The following PRRC2B variants were observed in gnomAD, a reference collection of about 807,000 sequenced individuals.
PRRC2B encodes the protein proline rich coiled-coil 2B, also known as protein PRRC2B.
A neutral mutation model predicts 242.3 loss-of-function variants in PRRC2B; 68 were observed. That is an observed-to-expected ratio of 0.28 (90% CI 0.23 to 0.34). PRRC2B has a LOEUF of 0.34. Ranked by LOEUF, PRRC2B falls within the 10% of genes least tolerant of loss-of-function variation. PRRC2B has a pLI of 1.00. For missense variants in PRRC2B, 2,835 were observed against 2,954.8 expected (o/e 0.96, Z 0.94); for synonymous variants, 1,228 against 1,173.6 (o/e 1.05, Z -0.95).
intron 9 of PRRC2B, among the ~76,000 whole-genome samples, chr9:131,448,917 C>T (rs560563771): frequency 9.8e-5 from 15 of 152,286 alleles, no homozygotes; most frequent in Admixed American, 6.5e-4. Context: ...GGGAACATTT[C>T]CCTCACCACC....
intron 11 of PRRC2B, among the ~76,000 whole-genome samples, chr9:131,459,844 T>C (rs1588264454): frequency 6.6e-6 from 1 of 151,956 alleles, no homozygotes; most frequent in East Asian, 1.9e-4. Flanking sequence ...TGTCTTCTTG[T>C]TATAGTTAAA....
chr9:131,467,543 TCTG>T lies in PRRC2B; in HGVS notation c.1721-16_1721-14del, dbSNP rs755635342. ...TTCTGTGAGCTCACTGTGTCATTTCTCTGCTGGTATATTCTCTAGGCTCCCCAG... is the reference window on the plus strand; with the variant it reads ...TTCTGTGAGCTCACTGTGTCATTTCTCTGGTATATTCTCTAGGCTCCCCAG... On this transcript the variant is annotated splice_polypyrimidine_tract_variant and intron_variant, in intron 12 of 31. Coordinates refer to ENST00000683519, the MANE Select transcript of PRRC2B (RefSeq NM_013318.4). 1.3e-6 allele frequency: 2 copies of T among 1,559,198 alleles called. No individual in the cohort carries two copies. The highest frequency in any genetic ancestry group is 1.7e-6 in the Non-Finnish European group (2 of 1,150,516).
exon 1 of PRRC2B, chr9:131,373,689 G>C (rs905407860): frequency 6.6e-6 from 1 of 152,296 alleles, no homozygotes; most frequent in Non-Finnish European, 1.5e-5. Flanking sequence ...GGGCGTGCGT[G>C]AGGGAGGGTG....
Position 131,479,302 on chromosome 9 carries a change from A to T in PRRC2B, c.4809A>T (p.Ala1603=), listed in dbSNP as rs772196243. 2 of 1,613,824 alleles carry T rather than the reference A, an allele frequency of 1.2e-6. No individual in the cohort carries two copies. Among genetic ancestry groups the T allele is most frequent in the Non-Finnish European group, 8.5e-7 (1 of 1,179,796 alleles). Residue 1603 remains alanine, a synonymous_variant, in exon 19 of 32, where the codon GCA becomes GCT. Transcript: ENST00000683519. The part of the protein sequence containing the change: ...GLSSRIPPRF[A]KKQNNLCLEQ... ...CCTCCCGTATTCCTCCTCGATTTGCAAAAAAGCAGAACAACTTATGTCTGG... is the reference window on the plus strand; with the variant it reads ...CCTCCCGTATTCCTCCTCGATTTGCTAAAAAGCAGAACAACTTATGTCTGG...
intron 11 of PRRC2B, among the ~76,000 whole-genome samples, chr9:131,460,496 T>A (rs1233312670): frequency 1.3e-5 from 2 of 152,190 alleles, no homozygotes; most frequent in African/African-American, 4.8e-5. Context: ...CACGACTTCA[T>A]CCTGTCCCCC....
intron 1 of PRRC2B, among the ~76,000 whole-genome samples, chr9:131,421,914 G>A (rs1360508550): frequency 6.6e-6 from 1 of 152,204 alleles, no homozygotes; most frequent in Non-Finnish European, 1.5e-5. Flanking sequence ...ACTCCCACTG[G>A]GAAAGCAGAT....
rs1202722946 is a variant in PRRC2B at position 131,499,196 on chromosome 9, C to T, written c.*3322C>T. 6.6e-6 allele frequency: 1 copy of T among 152,250 alleles called. No individual in the cohort carries two copies. The highest frequency in any genetic ancestry group is 6.5e-5 in the Admixed American group (1 of 15,284). The allele number at this position is 152,250 out of a possible 1,614,324, so 9.4% of individuals were successfully genotyped here. A position where few individuals can be genotyped will look rare whatever the true frequency, so the allele number is the denominator to read the frequency against. ...TCCAGCCGTGCTGTCACCCTCCTATCTTCTGGATCTGCCTTCGCGATGGTC... is the reference window on the plus strand; with the variant it reads ...TCCAGCCGTGCTGTCACCCTCCTATTTTCTGGATCTGCCTTCGCGATGGTC... On this transcript the variant is annotated 3_prime_UTR_variant, in exon 32 of 32. Coordinates refer to ENST00000683519, the MANE Select transcript of PRRC2B (RefSeq NM_013318.4).
chr9:131,481,311 C>CAAAA (rs11404767), intron 19 of PRRC2B, among the ~76,000 whole-genome samples: 845 of 79,002 alleles, frequency 0.011, 27 homozygotes, highest in African/African-American at 0.015. Flanking sequence ...ACTCCGTCTC[C>CAAAA]AAAAAAAAAA....
chr9:131,420,451 C>CTCTTTCTTTCTTTCTTTCTT (rs1324243060), intron 1 of PRRC2B, among the ~76,000 whole-genome samples: 2 of 44,390 alleles, frequency 4.5e-5, no homozygotes, highest in East Asian at 1.4e-3. Flanking sequence ...TTTTCTTTTT[C>CTCTTTCTTTCTTTCTTTCTT]TTTTTCTTTC....
At chr9:131,393,388 A>G (rs1588235440), upstream of PRRC2B, among the ~76,000 whole-genome samples, 1 of 151,850 alleles carries the variant, frequency 6.6e-6, no homozygotes, top group African/African-American at 2.4e-5. Context: ...CGCTCTCCCA[A>G]CCTCAAACCA....
chr9:131,446,699 A>C lies in PRRC2B; in HGVS notation c.855+57A>C. 6.3e-7 allele frequency: 1 copy of C among 1,593,522 alleles called. No homozygotes were observed. The highest frequency in any genetic ancestry group is 8.6e-7 in the Non-Finnish European group (1 of 1,166,738). ...CATGAAGTTGGATTGTGTCCAGCAG[A>C]TAGGTCAAGTGGTTGAATGTCCCCC... On this transcript the variant is annotated intron_variant, in intron 7 of 31. Transcript: ENST00000683519. This position sits in a 1 kb window ranked among gnomAD's most constrained non-coding sequence, Gnocchi z 4.1.
rs2275499 is a variant in PRRC2B at position 131,482,805 on chromosome 9, C to G, written c.5271C>G (p.Ala1757=). 1.3e-5 allele frequency: 21 copies of G among 1,609,600 alleles called. No individual in the cohort carries two copies. In the East Asian group the frequency reaches 4.0e-4, roughly 31 times the overall value. ...AAAACAGAAAGGGCTCGGAGGGGGC[C>G]GAGCGGCTGCAAGGGGCTGTCGTCC... ...SLKNRKGSEG[A]ERLQGAVVPP... is the part of the protein sequence containing the mutation. Residue 1757 remains alanine (A), a synonymous_variant, in exon 22 of 32, where the codon GCC becomes GCG. Transcript: ENST00000683519. This position sits in a 1 kb window ranked among gnomAD's most constrained non-coding sequence, Gnocchi z 5.2.
At chr9:131,460,474 C>T (rs927565163) in intron 11 of PRRC2B, among the ~76,000 whole-genome samples, 1 of 152,178 alleles carries the variant, frequency 6.6e-6, no homozygotes, top group African/African-American at 2.4e-5. Context: ...CATTTCATCC[C>T]ACCAAGGCAA....
chr9:131,393,428 C>A (rs1836939179), upstream of PRRC2B, among the ~76,000 whole-genome samples: 1 of 152,176 alleles, frequency 6.6e-6, no homozygotes, highest in African/African-American at 2.4e-5. Flanking sequence ...AGTGCAGTCT[C>A]CCGGACCTTT....
chr9:131,470,723 T>G, intron 13 of PRRC2B, 65 bp from the exon 14 acceptor site: 1 of 1,361,208 alleles, frequency 7.3e-7, no homozygotes, highest in Non-Finnish European at 1.0e-6. Context: ...GAAGGGCGTG[T>G]GTTGGGTGGC....
chr9:131,428,218 C>A (rs1211147658), intron 1 of PRRC2B, among the ~76,000 whole-genome samples: 5 of 151,982 alleles, frequency 3.3e-5, no homozygotes, highest in African/African-American at 9.7e-5. Flanking sequence ...CCGTGCCCGG[C>A]CTACAAGTTT....
intron 5 of PRRC2B, among the ~76,000 whole-genome samples, chr9:131,443,385 G>A (rs1204033863): frequency 6.6e-6 from 1 of 151,464 alleles, no homozygotes; most frequent in African/African-American, 2.4e-5. Context: ...ATCCGCCCGC[G>A]TCGGCCTCCC....
At chr9:131,485,968 C>A (rs1318364381) in intron 25 of PRRC2B, 117 bp from the exon 26 acceptor site, 2 of 763,278 alleles carry the variant, frequency 2.6e-6, no homozygotes, top group Non-Finnish European at 2.3e-6. Context: ...GTACACACGC[C>A]CTCGTCCCCA....
intron 1 of PRRC2B, among the ~76,000 whole-genome samples, chr9:131,421,330 C>G (rs1006905677): frequency 3.3e-5 from 5 of 152,112 alleles, no homozygotes; most frequent in Non-Finnish European, 7.4e-5. Flanking sequence ...GGTTTTTTTG[C>G]CAGACATTGA....
Sources: allele counts gnomAD v4.1 joint callset (sites outside exome capture counted in the v4.1 genomes callset), GRCh38; gene constraint gnomAD v4.1.1; non-coding constraint Gnocchi (gnomAD v3.1); transcripts MANE v1.5; gene names NCBI Gene and HGNC (gene_info 2026-07-23, HGNC 2026-07-21).